TNNI3K: variants seen among roughly 807,000 people sequenced by gnomAD.
TNNI3K encodes the protein serine/threonine-protein kinase TNNI3K.
Under a neutral mutation model 114.5 loss-of-function variants are expected in TNNI3K, and 140 were observed. The ratio of observed to expected loss-of-function variants is 1.22; its 90% confidence interval spans 1.07 to 1.41. The LOEUF (loss-of-function observed/expected upper bound fraction) is 1.41. TNNI3K is among the 40% of genes most tolerant of loss of function. TNNI3K has a pLI of 0.00. For missense variants in TNNI3K, 1,125 were observed against 1,007.6 expected, an observed-to-expected ratio of 1.12 and a Z score of -1.58; for synonymous variants, 347 against 347.5, an observed-to-expected ratio of 1.00 and a Z score of 0.02.
Position 74,331,508 on chromosome 1 carries a change from T to G in TNNI3K, c.503T>G (p.Phe168Cys). 1 of 1,613,876 alleles carries G rather than the reference T, an allele frequency of 6.2e-7. No individual in the cohort carries two copies. Among genetic ancestry groups the G allele is most frequent in the Non-Finnish European group, 8.5e-7 (1 of 1,179,906 alleles). The change falls in exon 6 of 25, where the codon TTC becomes TGC. Residue 168 changes from phenylalanine (F) to cysteine (C), a missense_variant. Transcript: ENST00000326637. ...ANVNIQDAVFFTPLHIAAYYG... is the reference protein window; with the variant it reads ...ANVNIQDAVFCTPLHIAAYYG... ...GTCAATATTCAAGATGCAGTTTTTT[T>G]CACTCCATTGCATATTGCAGCGTAC...
chr1:74,525,507 G>C (rs971734853), intron 23 of TNNI3K, among the ~76,000 whole-genome samples: 2 of 152,128 alleles, frequency 1.3e-5, no homozygotes, highest in Non-Finnish European at 2.9e-5. Flanking sequence ...GAATCTGAGA[G>C]ATGAGGCTGA....
At chr1:74,485,063 T>C (rs540235625) in intron 21 of TNNI3K, among the ~76,000 whole-genome samples, 1 of 152,312 alleles carries the variant, frequency 6.6e-6, no homozygotes, top group Admixed American at 6.5e-5. Flanking sequence ...TGGAATGTGC[T>C]AGGTGTCTAA....
At chr1:74,353,196 G>C in intron 9 of TNNI3K, 70 bp from the exon 10 acceptor site, 2 of 1,524,742 alleles carry the variant, frequency 1.3e-6, no homozygotes, top group Admixed American at 1.9e-5. Flanking sequence ...TCGAGGTGTA[G>C]GGGAGAGGGC....
At chr1:74,503,592 T>A (rs1275414061) in intron 23 of TNNI3K, among the ~76,000 whole-genome samples, 1 of 152,156 alleles carries the variant, frequency 6.6e-6, no homozygotes, top group Non-Finnish European at 1.5e-5. Context: ...CATTTTTTTT[T>A]AGGATAGCTA....
At chr1:74,266,458 G>A (rs1320712646) in intron 4 of TNNI3K, among the ~76,000 whole-genome samples, 2 of 152,062 alleles carry the variant, frequency 1.3e-5, no homozygotes, top group East Asian at 1.9e-4. Flanking sequence ...TCTGCTCCAC[G>A]CTATTGATCA....
intron 5 of TNNI3K, among the ~76,000 whole-genome samples, chr1:74,281,244 C>T (rs1656994427): frequency 6.6e-6 from 1 of 152,078 alleles, no homozygotes; most frequent in South Asian, 2.1e-4. Flanking sequence ...TGACCCAGCG[C>T]AGTCTCAGCT....
chr1:74,323,364 T>G (rs1659727763), intron 5 of TNNI3K, among the ~76,000 whole-genome samples: 1 of 152,204 alleles, frequency 6.6e-6, no homozygotes, highest in Non-Finnish European at 1.5e-5. Context: ...TGTCCTTATC[T>G]TTAAAATGCG....
chr1:74,348,248 A>G (rs1158537622), intron 9 of TNNI3K, among the ~76,000 whole-genome samples: 5 of 152,210 alleles, frequency 3.3e-5, no homozygotes, highest in Non-Finnish European at 7.3e-5. Context: ...CATTTATTAA[A>G]TAGGGAATCC....
intron 5 of TNNI3K, 30 bp from the exon 6 acceptor site, chr1:74,331,420 G>T (rs757347037): frequency 4.5e-5 from 73 of 1,604,722 alleles, no homozygotes; most frequent in Non-Finnish European, 6.0e-5. Flanking sequence ...CTCAACTGAA[G>T]TTCTTAACCA....
At chr1:74,249,644 C>A in intron 3 of TNNI3K, 100 bp downstream of exon 3, 1 of 1,178,006 alleles carries the variant, frequency 8.5e-7, no homozygotes, top group Non-Finnish European at 1.2e-6. Context: ...TATTCATACT[C>A]AATTTTCCCT....
chr1:74,393,412 A>G (rs1051715963), intron 17 of TNNI3K, among the ~76,000 whole-genome samples: 3 of 152,214 alleles, frequency 2.0e-5, no homozygotes, highest in Non-Finnish European at 2.9e-5. Flanking sequence ...ACATCTATCA[A>G]AAGAACGTGA....
chr1:74,249,317 A>G (rs1368342456), intron 2 of TNNI3K, 142 bp from the exon 3 acceptor site: 13 of 822,510 alleles, frequency 1.6e-5, no homozygotes, highest in Non-Finnish European at 2.4e-5. Flanking sequence ...AGGGTTCAAG[A>G]TTCTTTCTGT....
At chr1:74,363,665 G>A (rs909580399) in intron 11 of TNNI3K, among the ~76,000 whole-genome samples, 6 of 151,966 alleles carry the variant, frequency 3.9e-5, no homozygotes, top group African/African-American at 1.4e-4. Flanking sequence ...CTATATAGGG[G>A]CTGAGATAGA....
intron 5 of TNNI3K, among the ~76,000 whole-genome samples, chr1:74,330,836 T>G (rs1448591213): frequency 6.6e-6 from 1 of 152,218 alleles, no homozygotes; most frequent in Non-Finnish European, 1.5e-5. Flanking sequence ...TGTATGATTG[T>G]TATTTGCATG....
At chr1:74,474,180 A>G (rs1668071547) in intron 21 of TNNI3K, among the ~76,000 whole-genome samples, 1 of 152,190 alleles carries the variant, frequency 6.6e-6, no homozygotes, top group Admixed American at 6.6e-5. Flanking sequence ...TTTCCCACAG[A>G]GAAGTTCAGG....
chr1:74,355,854 G>C (rs12116728), intron 11 of TNNI3K, among the ~76,000 whole-genome samples: 5,358 of 152,070 alleles, frequency 0.035, 142 homozygotes, highest in Non-Finnish European at 0.055. Flanking sequence ...TTAGATATAG[G>C]CTTGCTGTAT....
At chr1:74,345,306 G>A (rs1019465815) in intron 9 of TNNI3K, among the ~76,000 whole-genome samples, 2 of 151,914 alleles carry the variant, frequency 1.3e-5, no homozygotes, top group South Asian at 2.1e-4. Flanking sequence ...GTGCTACTGG[G>A]GACATTAAGA....
At chr1:74,393,436 G>T (rs185326449) in intron 17 of TNNI3K, among the ~76,000 whole-genome samples, 75 of 152,240 alleles carry the variant, frequency 4.9e-4, no homozygotes, top group Middle Eastern at 3.4e-3. Context: ...TACTTTATGG[G>T]GTGGAGAAAG....
At chr1:74,237,551 G>A (rs1653932691) in intron 2 of TNNI3K, among the ~76,000 whole-genome samples, 1 of 151,924 alleles carries the variant, frequency 6.6e-6, no homozygotes. Context: ...ATAGGTGAAG[G>A]CTAGCTTAAA....
Sources: allele counts gnomAD v4.1 joint callset (sites outside exome capture counted in the v4.1 genomes callset), GRCh38; gene constraint gnomAD v4.1.1; transcripts MANE v1.5; gene names NCBI Gene and HGNC (gene_info 2026-07-23, HGNC 2026-07-21).